Variants in KANSL1 observed in about 807,000 individuals in gnomAD.
KANSL1 encodes MLL1/MLL complex subunit KANSL1.
In KANSL1, 22 loss-of-function variants were observed where a neutral mutation model predicts 103.6. That is an observed-to-expected ratio of 0.21 (90% CI 0.15 to 0.30). The LOEUF is 0.30. Ranked by LOEUF, KANSL1 falls within the 10% of genes least tolerant of loss-of-function variation. The pLI, the probability that KANSL1 is intolerant of heterozygous loss-of-function variation, is 1.00. For missense variants in KANSL1, 1,337 were observed against 1,399.8 expected (o/e 0.96, Z 0.72); for synonymous variants, 600 against 527.6 (o/e 1.14, Z -1.88).
intron 9 of KANSL1, 155 bp from the exon 10 acceptor site, chr17:46,038,841 G>T: frequency 1.7e-6 from 2 of 1,161,368 alleles, no homozygotes; most frequent in Non-Finnish European, 2.5e-6. Flanking sequence ...GTGGGAAGTA[G>T]GGGCAGGGCA....
intron 2 of KANSL1, among the ~76,000 whole-genome samples, chr17:46,132,383 T>C (rs1297227795): frequency 1.3e-5 from 2 of 152,256 alleles, no homozygotes; most frequent in African/African-American, 4.8e-5. Flanking sequence ...CCTATTATCA[T>C]TACTGTTAGA....
intron 1 of KANSL1, among the ~76,000 whole-genome samples, chr17:46,209,539 G>A (rs1349135283): frequency 1.3e-5 from 2 of 152,154 alleles, no homozygotes; most frequent in Non-Finnish European, 2.9e-5. Context: ...TGTTGCCCAG[G>A]CTGGAGTGCA....
chr17:46,058,761 T>A (rs62060770), intron 6 of KANSL1, among the ~76,000 whole-genome samples: 269 of 101,830 alleles, frequency 2.6e-3, no homozygotes, highest in South Asian at 6.8e-3. Context: ...TCTCTCTCTC[T>A]CTCTCTCTCT....
chr17:46,152,130 G>A (rs2045140739), intron 2 of KANSL1, among the ~76,000 whole-genome samples: 1 of 152,206 alleles, frequency 6.6e-6, no homozygotes, highest in South Asian at 2.1e-4. Context: ...ACAGTGGGAA[G>A]AAAACAAAAA....
chr17:46,073,171 A>C (rs1350279252), intron 4 of KANSL1, among the ~76,000 whole-genome samples: 1 of 152,226 alleles, frequency 6.6e-6, no homozygotes, highest in Non-Finnish European at 1.5e-5. Context: ...TGGAATGAAG[A>C]TGTATCTTGG....
chr17:46,178,070 C>T (rs1438008921), intron 1 of KANSL1, among the ~76,000 whole-genome samples: 2 of 152,206 alleles, frequency 1.3e-5, no homozygotes, highest in Non-Finnish European at 1.5e-5. Flanking sequence ...AGCCACCACG[C>T]CCGGCCCATA....
chr17:46,135,266 A>G (rs1419578830), intron 2 of KANSL1, among the ~76,000 whole-genome samples: 3 of 116,104 alleles, frequency 2.6e-5, no homozygotes, highest in Non-Finnish European at 4.1e-5. Flanking sequence ...GGTGGTCTAG[A>G]TAAAAAAAAA....
intron 2 of KANSL1, among the ~76,000 whole-genome samples, chr17:46,117,048 T>C (rs1437622453): frequency 6.6e-6 from 1 of 152,246 alleles, no homozygotes; most frequent in Admixed American, 6.5e-5. Context: ...GGGTTACAAA[T>C]TCTTTGACAC....
At chr17:46,196,361 TGGTTA>T (rs1426105661), upstream of KANSL1, 2 of 456,236 alleles carry the variant, frequency 4.4e-6, no homozygotes, top group African/African-American at 2.0e-5. Context: ...TGCCAATGAT[TGGTTA>T]GGAATGGCCA....
Position 46,213,387 on chromosome 17 carries a change from G to A in KANSL1, c.-90+10284C>T, listed in dbSNP as rs565520381. Among the ~76,000 whole-genome samples, 81 of 151,986 alleles carry A rather than the reference G, an allele frequency of 5.3e-4. No individual in the cohort carries two copies. The South Asian group carries it at 0.017, about 31-fold the overall frequency. On this transcript the variant is annotated intron_variant, in intron 1 of 14. Coordinates refer to the KANSL1 transcript ENST00000572904. ...GTGATCTCAGCTCACTGCAAGCTCCGCCTGCTGGGTTCACACCATTCTCCT... is the reference window on the plus strand; with the variant it reads ...GTGATCTCAGCTCACTGCAAGCTCCACCTGCTGGGTTCACACCATTCTCCT...
At chr17:46,144,470 C>T (rs2696589) in intron 2 of KANSL1, among the ~76,000 whole-genome samples, 18,400 of 150,020 alleles carry the variant, frequency 0.12, 22 homozygotes, top group Middle Eastern at 0.19. Context: ...ACTCTTAATA[C>T]AAAAATACAT....
At chr17:46,192,769 G>C (rs2047405687) in intron 1 of KANSL1, 54 bp downstream of exon 1, 1 of 157,354 alleles carries the variant, frequency 6.4e-6, no homozygotes, top group Admixed American at 6.5e-5. Flanking sequence ...GGAGAGCGAG[G>C]AGAAGGAGAA....
chr17:46,056,819 G>A (rs1004892278), intron 6 of KANSL1, among the ~76,000 whole-genome samples: 8 of 152,268 alleles, frequency 5.3e-5, no homozygotes, highest in East Asian at 1.9e-4. Flanking sequence ...TTAGTATACC[G>A]CATGATTTCT....
chr17:46,171,157 CAA>C lies in KANSL1; in HGVS notation c.985_986del (p.Leu329GlufsTer22), dbSNP rs281865473. The C allele has an allele frequency of 8.7e-6, 14 of 1,614,176 alleles. No individual in the cohort carries two copies. The highest frequency in any genetic ancestry group is 5.1e-6 in the Non-Finnish European group (6 of 1,180,044). ...AGGATTCCAAGTTTGGCAGTTTGCT[CAA>C]AGTCTTCTCCAAAAATCCACCCAGC... ...HQLGGFLEKTLSKLPNLESLR... is the reference protein window; with the variant it reads ...HQLGGFLEKTXSKLPNLESLR... On this transcript the variant is annotated frameshift_variant, in exon 2 of 15. Coordinates refer to ENST00000432791, the MANE Select transcript of KANSL1 (RefSeq NM_015443.4). LOFTEE classifies it high-confidence loss of function.
At chr17:46,159,516 T>C (rs115691263) in intron 2 of KANSL1, among the ~76,000 whole-genome samples, 3 of 152,332 alleles carry the variant, frequency 2.0e-5, no homozygotes, top group African/African-American at 4.8e-5. Context: ...AAATACAGAC[T>C]AAGTAGATGA....
chr17:46,128,170 A>G (rs1453276730), intron 2 of KANSL1, among the ~76,000 whole-genome samples: 3 of 152,066 alleles, frequency 2.0e-5, no homozygotes, highest in Non-Finnish European at 2.9e-5. Context: ...CTTGGCCCCC[A>G]CTATATCATC....
At position 46,096,311 on chromosome 17, in the gene KANSL1, C is replaced by CTTTTTTTTTTTTTTTTTTTTTTTTTTTTT. The variant is rs71138525; in HGVS notation, c.1290-1611_1290-1610insAAAAAAAAAAAAAAAAAAAAAAAAAAAAA. 1.5e-3 allele frequency among the ~76,000 whole-genome samples: 114 copies of CTTTTTTTTTTTTTTTTTTTTTTTTTTTTT among 76,390 alleles called. 4 individuals carry two copies. The highest frequency in any genetic ancestry group is 2.4e-3 in the East Asian group (5 of 2,072). 50.1% of individuals were successfully genotyped at this position (76,390 alleles called of 152,430 possible). ...CATACTACATACCTGGCTTTTTTTT[C>CTTTTTTTTTTTTTTTTTTTTTTTTTTTTT]TTTTTTTTTTTTTTTTTTTTTGAGA... On this transcript the variant is annotated intron_variant, in intron 2 of 14. Transcript: ENST00000432791.
chr17:46,203,358 C>T (rs115220742), intron 1 of KANSL1, among the ~76,000 whole-genome samples: 1,701 of 152,280 alleles, frequency 0.011, 29 homozygotes, highest in African/African-American at 0.039. Flanking sequence ...ATTTGGGCTA[C>T]GGCATTAAAT....
intron 2 of KANSL1, among the ~76,000 whole-genome samples, chr17:46,116,542 C>A (rs375350847): frequency 1.3e-5 from 2 of 152,102 alleles, no homozygotes. Flanking sequence ...AAAACAAAAA[C>A]CAACAACAAC....
Sources: gnomAD v4.1 joint callset for allele counts (sites outside exome capture counted in the v4.1 genomes callset) on GRCh38, gnomAD v4.1.1 for gene constraint, MANE v1.5 for transcripts, NCBI Gene and HGNC (gene_info 2026-07-23, HGNC 2026-07-21) for gene names.